ZC3H12B: variants seen among roughly 807,000 people sequenced by gnomAD.
The protein encoded by ZC3H12B is zinc finger CCCH-type containing 12B.
A neutral mutation model predicts 43.9 loss-of-function variants in ZC3H12B; 7 were observed. The ratio of observed to expected loss-of-function variants is 0.16; its 90% CI spans 0.09 to 0.30. ZC3H12B has a LOEUF of 0.30. Ranked by LOEUF, ZC3H12B falls within the 10% of genes least tolerant of loss-of-function variation. The probability of loss-of-function intolerance (pLI) is 1.00; values close to 1 mark genes in which losing one functional copy is unlikely to be tolerated. For synonymous variants in ZC3H12B, 222 were observed against 241.7 expected (o/e 0.92, Z 0.76); for missense variants, 475 against 670.2 (o/e 0.71, Z 3.22).
chrX:65,114,342 T>A, the ZC3H12B span, among the ~76,000 whole-genome samples: 2 of 109,893 alleles, frequency 1.8e-5, no homozygotes, highest in Non-Finnish European at 3.8e-5. Flanking sequence ...TTTTAATACT[T>A]GGTAGACTTG....
the ZC3H12B span, among the ~76,000 whole-genome samples, chrX:65,359,083 A>G: frequency 9.0e-6 from 1 of 111,581 alleles, no homozygotes; most frequent in Non-Finnish European, 1.9e-5. Context: ...CCAAGTCCAT[A>G]TAACAGCATA....
At chrX:65,380,281 G>C (rs1168562824) in intron 2 of ZC3H12B, among the ~76,000 whole-genome samples, 1 of 112,209 alleles carries the variant, frequency 8.9e-6, no homozygotes, top group Admixed American at 9.5e-5. Context: ...CTATAAGCCA[G>C]AAGAGAGTGG....
At chrX:65,443,910 T>C (rs2067339590) in intron 3 of ZC3H12B, among the ~76,000 whole-genome samples, 1 of 112,723 alleles carries the variant, frequency 8.9e-6, no homozygotes, top group African/African-American at 3.2e-5. Context: ...AGGTAAAATG[T>C]GTTTCTTGCA....
At chrX:65,383,065 G>A (rs946465864) in intron 2 of ZC3H12B, among the ~76,000 whole-genome samples, 1 of 111,222 alleles carries the variant, frequency 9.0e-6, no homozygotes. Context: ...TCCCCATCAA[G>A]CTACCAATGA....
chrX:65,044,190 G>A, the ZC3H12B span, among the ~76,000 whole-genome samples: 3 of 111,829 alleles, frequency 2.7e-5, no homozygotes, highest in South Asian at 3.8e-4. Context: ...TATCTGATGG[G>A]GTGACATTAA....
the ZC3H12B span, among the ~76,000 whole-genome samples, chrX:65,146,807 G>A: frequency 8.9e-6 from 1 of 111,816 alleles, no homozygotes; most frequent in Non-Finnish European, 1.9e-5. Flanking sequence ...GTCCTATGAT[G>A]TGAACCATCT....
chrX:65,157,292 T>C, the ZC3H12B span, among the ~76,000 whole-genome samples: 1 of 112,549 alleles, frequency 8.9e-6, no homozygotes, highest in Non-Finnish European at 1.9e-5. Flanking sequence ...TTATTATCCT[T>C]GCTTTAATGC....
At chrX:65,076,156 T>C in the ZC3H12B span, among the ~76,000 whole-genome samples, 1 of 110,838 alleles carries the variant, frequency 9.0e-6, no homozygotes, top group Non-Finnish European at 1.9e-5. Context: ...CTTCTCTTCT[T>C]TCTTTTTTTT....
chrX:65,141,761 C>T, the ZC3H12B span, among the ~76,000 whole-genome samples: 7 of 111,231 alleles, frequency 6.3e-5, no homozygotes, highest in Non-Finnish European at 7.5e-5. Flanking sequence ...TGAGAACATA[C>T]GATGTTTGGT....
the ZC3H12B span, among the ~76,000 whole-genome samples, chrX:65,077,812 A>T: frequency 8.9e-6 from 1 of 112,165 alleles, no homozygotes; most frequent in East Asian, 2.8e-4. Context: ...TTTAGGAGGT[A>T]AAAAGAAAAC....
At chrX:65,316,661 A>T in the ZC3H12B span, among the ~76,000 whole-genome samples, 1 of 111,634 alleles carries the variant, frequency 9.0e-6, no homozygotes, top group African/African-American at 3.3e-5. Context: ...AAACATGGAA[A>T]TTAAAGACTG....
At chrX:65,121,952 C>T in the ZC3H12B span, among the ~76,000 whole-genome samples, 2 of 111,245 alleles carry the variant, frequency 1.8e-5, no homozygotes, top group South Asian at 3.8e-4. Context: ...TGTAGTTGAG[C>T]GGTTTTGAAT....
chrX:65,290,179 T>C, the ZC3H12B span, among the ~76,000 whole-genome samples: 1 of 110,753 alleles, frequency 9.0e-6, no homozygotes, highest in African/African-American at 3.3e-5. Context: ...AGAACATGAA[T>C]AGATATTTCT....
chrX:65,081,918 A>G, the ZC3H12B span, among the ~76,000 whole-genome samples: 2 of 112,143 alleles, frequency 1.8e-5, no homozygotes, highest in Non-Finnish European at 3.8e-5. Context: ...ATAATATCAA[A>G]CATCTTCTGT....
chrX:65,286,245 G>A, the ZC3H12B span, among the ~76,000 whole-genome samples: 1 of 111,960 alleles, frequency 8.9e-6, no homozygotes. Context: ...AAAACATAAT[G>A]AAACTGTGTC....
chrX:65,348,667 A>G, the ZC3H12B span, among the ~76,000 whole-genome samples: 2 of 104,820 alleles, frequency 1.9e-5, no homozygotes, highest in African/African-American at 7.3e-5. Context: ...ATGGAGGAAT[A>G]TTTACCAAGC....
chrX:65,088,933 A>G, the ZC3H12B span, among the ~76,000 whole-genome samples: 1,832 of 111,725 alleles, frequency 0.016, 36 homozygotes, highest in African/African-American at 0.055. Flanking sequence ...GGGACAATTA[A>G]CACATAGTAT....
chrX:65,103,209 T>C, the ZC3H12B span, among the ~76,000 whole-genome samples: 1 of 111,257 alleles, frequency 9.0e-6, no homozygotes, highest in East Asian at 2.8e-4. Flanking sequence ...AGTGGCCATT[T>C]CAGAGACCTC....
At chrX:65,181,529 A>G in the ZC3H12B span, among the ~76,000 whole-genome samples, 2 of 112,015 alleles carry the variant, frequency 1.8e-5, no homozygotes, top group Non-Finnish European at 3.8e-5. Context: ...AATATCCAGT[A>G]TCTACAATAA....
Sources: gnomAD v4.1 joint callset for allele counts (sites outside exome capture counted in the v4.1 genomes callset) on GRCh38, gnomAD v4.1.1 for gene constraint, MANE v1.5 for transcripts, NCBI Gene and HGNC (gene_info 2026-07-23, HGNC 2026-07-21) for gene names.